Variants in AIM2 observed in about 807,000 individuals in gnomAD.
AIM2 encodes absent in melanoma 2, also known as interferon-inducible protein AIM2.
Under a neutral mutation model 27.7 loss-of-function variants are expected in AIM2, and 30 were observed. The observed-to-expected ratio is 1.08, with a 90% CI of 0.81 to 1.47. The LOEUF is 1.47. Ranked by LOEUF, AIM2 falls within the 40% of genes most tolerant of loss-of-function variation. The pLI is 0.00. For missense variants in AIM2, 358 were observed against 411.3 expected (o/e 0.87, Z 1.12); for synonymous variants, 141 against 145.3 (o/e 0.97, Z 0.21).
Position 159,097,290 on chromosome 1 carries a change from A to G in AIM2, c.-15-30961T>C, listed in dbSNP as rs116219911. On this transcript the variant is annotated intron_variant, in intron 1 of 2. Coordinates refer to the AIM2 transcript ENST00000368129. Reference sequence around the variant, plus strand: ...AATAAAATTAGGAAATATCTCCCCAAATTTCATAACAGAATAAATTAGAAG... The same window carrying G: ...AATAAAATTAGGAAATATCTCCCCAGATTTCATAACAGAATAAATTAGAAG... 4.8e-4 allele frequency among the ~76,000 whole-genome samples: 73 copies of G among 152,156 alleles called. 1 individual carries two copies. The highest frequency in any genetic ancestry group is 6.8e-3 in the Middle Eastern group (2 of 294).
At chr1:159,133,346 A>G (rs1209281653) in intron 1 of AIM2, among the ~76,000 whole-genome samples, 1 of 152,218 alleles carries the variant, frequency 6.6e-6, no homozygotes, top group African/African-American at 2.4e-5. Flanking sequence ...ATGAGGATTC[A>G]TAATGCTATT....
chr1:159,068,420 G>C (rs905572610), intron 3 of AIM2, 148 bp downstream of exon 3: 8 of 1,099,740 alleles, frequency 7.3e-6, no homozygotes, highest in Non-Finnish European at 1.0e-5. Context: ...GGTAGTTCCT[G>C]TTTTTGTGAC....
intron 1 of AIM2, among the ~76,000 whole-genome samples, chr1:159,084,695 T>C (rs1292434015): frequency 1.3e-5 from 2 of 151,744 alleles, no homozygotes; most frequent in East Asian, 3.9e-4. Context: ...ATCACTTGAT[T>C]GTCTAGGAGT....
At chr1:159,057,744 A>C (rs1655707336), downstream of AIM2, among the ~76,000 whole-genome samples, 1 of 152,226 alleles carries the variant, frequency 6.6e-6, no homozygotes, top group Admixed American at 6.5e-5. Flanking sequence ...TTTGAAACAC[A>C]ATTTCTTTCT....
chr1:159,088,295 T>A (rs1020878562), intron 1 of AIM2, among the ~76,000 whole-genome samples: 16 of 152,046 alleles, frequency 1.1e-4, no homozygotes, highest in Admixed American at 9.2e-4. Flanking sequence ...GGCCAAGAAG[T>A]TTTTTCAATA....
At chr1:159,104,280 C>T (rs1193479633) in intron 1 of AIM2, among the ~76,000 whole-genome samples, 3 of 152,140 alleles carry the variant, frequency 2.0e-5, no homozygotes, top group African/African-American at 7.2e-5. Flanking sequence ...ATCATGGCTG[C>T]AGGCATGGAC....
At chr1:159,056,740 A>C in the AIM2 span, among the ~76,000 whole-genome samples, 5 of 145,654 alleles carry the variant, frequency 3.4e-5, no homozygotes, top group South Asian at 2.1e-4. Context: ...AAAAAAAAAA[A>C]AAAAAAAACT....
At chr1:159,091,589 T>A (rs1374398359) in intron 1 of AIM2, among the ~76,000 whole-genome samples, 1 of 152,244 alleles carries the variant, frequency 6.6e-6, no homozygotes, top group Non-Finnish European at 1.5e-5. Context: ...CGTTACATTA[T>A]CCTGATCATC....
chr1:159,121,481 T>C (rs1647532927), intron 1 of AIM2, among the ~76,000 whole-genome samples: 2 of 152,110 alleles, frequency 1.3e-5, no homozygotes, highest in African/African-American at 4.8e-5. Context: ...GTAAGCATGT[T>C]TTTTTTTCCT....
At chr1:159,095,257 C>T (rs1276085642) in intron 1 of AIM2, among the ~76,000 whole-genome samples, 2 of 152,102 alleles carry the variant, frequency 1.3e-5, no homozygotes, top group Non-Finnish European at 2.9e-5. Context: ...TAAATCTATC[C>T]CTTCTCTCTG....
intron 1 of AIM2, among the ~76,000 whole-genome samples, chr1:159,085,734 T>C (rs1035463467): frequency 3.9e-5 from 6 of 151,942 alleles, no homozygotes; most frequent in African/African-American, 1.5e-4. Context: ...CAGCAAGTGG[T>C]TGGGCTAAAG....
chr1:159,120,488 C>G (rs569724788), intron 1 of AIM2, among the ~76,000 whole-genome samples: 9 of 152,288 alleles, frequency 5.9e-5, no homozygotes, highest in African/African-American at 1.9e-4. Flanking sequence ...TTGTCTTTTG[C>G]TCCTAAACTG....
At chr1:159,108,641 C>A (rs780553222) in intron 1 of AIM2, among the ~76,000 whole-genome samples, 2 of 152,202 alleles carry the variant, frequency 1.3e-5, no homozygotes, top group South Asian at 4.1e-4. Flanking sequence ...AACTAGAAAA[C>A]CCTAAAGACT....
chr1:159,131,131 T>A (rs1366830223), intron 1 of AIM2, among the ~76,000 whole-genome samples: 3 of 152,160 alleles, frequency 2.0e-5, no homozygotes, highest in Admixed American at 6.5e-5. Flanking sequence ...AATGTCTGTC[T>A]TCCACACTCC....
chr1:159,145,583 C>T (rs933253176), intron 1 of AIM2, among the ~76,000 whole-genome samples: 8 of 152,158 alleles, frequency 5.3e-5, no homozygotes, highest in Admixed American at 4.6e-4. Context: ...CCAAGTCTAG[C>T]CCAGTCAAAC....
chr1:159,067,362 T>C (rs754789786), intron 3 of AIM2, among the ~76,000 whole-genome samples: 6 of 152,184 alleles, frequency 3.9e-5, no homozygotes, highest in Non-Finnish European at 7.3e-5. Context: ...TACTACTTTT[T>C]AAAAGCCACT....
rs547435431 is a variant in AIM2 at position 159,113,428 on chromosome 1, C to T, written c.-16+27003G>A. Among the ~76,000 whole-genome samples the T allele has an allele frequency of 4.6e-5, 7 of 152,302 alleles. No homozygotes were observed. The East Asian group carries it at 9.6e-4, about 21-fold the overall frequency. On this transcript the variant is annotated intron_variant, in intron 1 of 2. Coordinates refer to the AIM2 transcript ENST00000368129. ...CTAGAAAGTTATAATTCCTTTTAGA[C>T]TTCATCTTGGTCAACCCGTTCAACA...
intron 1 of AIM2, among the ~76,000 whole-genome samples, chr1:159,083,760 A>C (rs1363320223): frequency 6.6e-6 from 1 of 152,238 alleles, no homozygotes; most frequent in East Asian, 1.9e-4. Flanking sequence ...AGAATTCTTT[A>C]CTTCCAGCTA....
chr1:159,093,723 T>G (rs2102011228), intron 1 of AIM2, among the ~76,000 whole-genome samples: 1 of 149,140 alleles, frequency 6.7e-6, no homozygotes, highest in South Asian at 2.2e-4. Context: ...TGTATGTGTA[T>G]ATATATATAC....
Sources: allele counts gnomAD v4.1 joint callset (sites outside exome capture counted in the v4.1 genomes callset), GRCh38; gene constraint gnomAD v4.1.1; transcripts MANE v1.5; gene names NCBI Gene and HGNC (gene_info 2026-07-23, HGNC 2026-07-21).